VEPH1: variants seen among roughly 807,000 people sequenced by gnomAD.
The protein encoded by VEPH1 is ventricular zone expressed PH domain containing 1, also known as ventricular zone-expressed PH domain-containing protein homolog 1.
Under a neutral mutation model 85.2 loss-of-function variants are expected in VEPH1, and 80 were observed. That is an observed-to-expected ratio of 0.94 (90% CI 0.78 to 1.13). The LOEUF is 1.13. VEPH1 is among the 50% of genes most tolerant of loss of function. The pLI is 0.00. For missense variants in VEPH1, 955 were observed against 980.5 expected (o/e 0.97, Z 0.35); for synonymous variants, 297 against 348.0 (o/e 0.85, Z 1.63).
intron 11 of VEPH1, among the ~76,000 whole-genome samples, chr3:157,293,522 T>C (rs1468074967): frequency 6.6e-6 from 1 of 152,210 alleles, no homozygotes; most frequent in Non-Finnish European, 1.5e-5. Flanking sequence ...GAAAACACTA[T>C]GTTTGATTCA....
intron 7 of VEPH1, among the ~76,000 whole-genome samples, chr3:157,372,431 C>T (rs1198065090): frequency 6.6e-6 from 1 of 152,160 alleles, no homozygotes; most frequent in Non-Finnish European, 1.5e-5. Flanking sequence ...TTCAGGCTGC[C>T]AACTAATGAA....
At chr3:157,469,684 T>C (rs1004975342) in intron 3 of VEPH1, among the ~76,000 whole-genome samples, 1 of 152,238 alleles carries the variant, frequency 6.6e-6, no homozygotes, top group Non-Finnish European at 1.5e-5. Flanking sequence ...AAATTTGTCA[T>C]AGACAATGTC....
At chr3:157,356,769 C>A (rs1725489681) in intron 9 of VEPH1, among the ~76,000 whole-genome samples, 1 of 152,172 alleles carries the variant, frequency 6.6e-6, no homozygotes, top group African/African-American at 2.4e-5. Context: ...CTGCCAGTTT[C>A]ATAATGAAAG....
chr3:157,467,023 T>C (rs1450429601), intron 3 of VEPH1, among the ~76,000 whole-genome samples: 3 of 152,022 alleles, frequency 2.0e-5, no homozygotes, highest in Non-Finnish European at 4.4e-5. Context: ...AGAAGTATAA[T>C]TACCAACTAA....
intron 9 of VEPH1, among the ~76,000 whole-genome samples, chr3:157,333,335 C>G (rs1289568569): frequency 6.6e-6 from 1 of 152,114 alleles, no homozygotes; most frequent in Non-Finnish European, 1.5e-5. Flanking sequence ...GGGAAGTTCA[C>G]TCGGAAGACC....
chr3:157,363,555 T>C lies in VEPH1; in HGVS notation c.1544A>G (p.His515Arg), dbSNP rs1430941170. The change falls in exon 9 of 14, where the codon CAT (histidine) becomes CGT (arginine). Residue 515 changes from histidine to arginine, a missense_variant. Transcript: ENST00000362010. ...TTCTGACAAATTCTCTGAGTCTATA[T>C]GTATAATATTTGGGTATGAAACTGA... ...ESSVSYPNIIHIDSENLSETV... is the reference protein window; with the variant it reads ...ESSVSYPNIIRIDSENLSETV... 1.9e-6 allele frequency: 3 copies of C among 1,614,068 alleles called. No homozygotes were observed. Among genetic ancestry groups the C allele is most frequent in the East Asian group, 4.5e-5 (2 of 44,902 alleles).
intron 6 of VEPH1, among the ~76,000 whole-genome samples, chr3:157,386,250 CAAAAAAAA>C (rs71302265): frequency 7.8e-5 from 3 of 38,490 alleles, no homozygotes; most frequent in Non-Finnish European, 1.3e-4. Flanking sequence ...AATGGTTCCA[CAAAAAAAA>C]AAAAAAAAAA....
intron 2 of VEPH1, among the ~76,000 whole-genome samples, chr3:157,492,244 T>C (rs1739277615): frequency 6.6e-6 from 1 of 152,096 alleles, no homozygotes; most frequent in African/African-American, 2.4e-5. Flanking sequence ...GTATTTCTTA[T>C]CCAAAGAAAG....
At chr3:157,368,847 T>C (rs1033441407) in intron 7 of VEPH1, among the ~76,000 whole-genome samples, 4 of 152,080 alleles carry the variant, frequency 2.6e-5, no homozygotes, top group African/African-American at 9.7e-5. Context: ...TAAATATATA[T>C]TATACTTGAC....
At chr3:157,343,227 A>G (rs1218705469) in intron 9 of VEPH1, among the ~76,000 whole-genome samples, 15 of 152,328 alleles carry the variant, frequency 9.8e-5, no homozygotes, top group Admixed American at 9.2e-4. Flanking sequence ...CAAAAAATCA[A>G]TGAATCCAGG....
intron 4 of VEPH1, among the ~76,000 whole-genome samples, chr3:157,431,976 T>C (rs932121475): frequency 3.9e-5 from 6 of 151,948 alleles, no homozygotes; most frequent in Non-Finnish European, 7.4e-5. Context: ...GCCTCCCAAA[T>C]AGCTGGGATT....
chr3:157,349,476 A>G (rs1299692039), intron 9 of VEPH1, among the ~76,000 whole-genome samples: 1 of 152,230 alleles, frequency 6.6e-6, no homozygotes, highest in Non-Finnish European at 1.5e-5. Flanking sequence ...CTGGAACAGG[A>G]TTAGGATGCC....
intron 5 of VEPH1, among the ~76,000 whole-genome samples, chr3:157,426,659 C>T (rs182940093): frequency 1.2e-4 from 19 of 152,292 alleles, no homozygotes; most frequent in Admixed American, 2.6e-4. Flanking sequence ...TTTGCTGTCA[C>T]TATAGGCTGA....
intron 2 of VEPH1, among the ~76,000 whole-genome samples, chr3:157,492,611 G>A (rs1466999420): frequency 6.6e-6 from 1 of 152,120 alleles, no homozygotes; most frequent in Non-Finnish European, 1.5e-5. Context: ...GAAACAGAGG[G>A]TAGACTCTTT....
At chr3:157,485,982 G>C (rs1235692745) in intron 2 of VEPH1, among the ~76,000 whole-genome samples, 1 of 152,022 alleles carries the variant, frequency 6.6e-6, no homozygotes, top group Non-Finnish European at 1.5e-5. Flanking sequence ...AAAATTACAA[G>C]GAGAAATTGG....
chr3:157,369,192 A>AAAAAAAAAAAAAAAAAC (rs1553773117), intron 7 of VEPH1, among the ~76,000 whole-genome samples: 9 of 142,686 alleles, frequency 6.3e-5, no homozygotes, highest in Non-Finnish European at 1.2e-4. Flanking sequence ...AAAAAAAAAA[A>AAAAAAAAAAAAAAAAAC]AAAAAAAAAA....
At chr3:157,289,941 C>G (rs184303057) in intron 11 of VEPH1, among the ~76,000 whole-genome samples, 1 of 152,022 alleles carries the variant, frequency 6.6e-6, no homozygotes, top group Non-Finnish European at 1.5e-5. Flanking sequence ...TTTGTATACT[C>G]CCATTCCCTG....
intron 9 of VEPH1, among the ~76,000 whole-genome samples, chr3:157,335,806 A>G (rs1437139761): frequency 6.6e-6 from 1 of 152,178 alleles, no homozygotes; most frequent in Non-Finnish European, 1.5e-5. Flanking sequence ...AGCCTCTTAT[A>G]TGTGACTCCA....
intron 4 of VEPH1, among the ~76,000 whole-genome samples, chr3:157,429,672 A>G (rs745313877): frequency 1.1e-4 from 16 of 152,198 alleles, no homozygotes. Flanking sequence ...ATTTATTTTC[A>G]ATAGTTTAAT....
Sources: gnomAD v4.1 joint callset for allele counts (sites outside exome capture counted in the v4.1 genomes callset) on GRCh38, gnomAD v4.1.1 for gene constraint, MANE v1.5 for transcripts, NCBI Gene and HGNC (gene_info 2026-07-23, HGNC 2026-07-21) for gene names.